The following ANO1 variants were observed in gnomAD, a reference collection of about 807,000 sequenced individuals.
ANO1 encodes anoctamin-1.
Under a neutral mutation model 124.0 loss-of-function variants are expected in ANO1, and 59 were observed. That is an observed-to-expected ratio of 0.48 (90% CI 0.39 to 0.59). ANO1 has a LOEUF of 0.59. Ranked by LOEUF, ANO1 falls within the 20% of genes least tolerant of loss-of-function variation. The pLI is 0.00. For synonymous variants in ANO1, 529 were observed against 532.0 expected (o/e 0.99, Z 0.08); for missense variants, 1,059 against 1,328.0 (o/e 0.80, Z 3.15).
chr11:70,046,581 G>A (rs1401973527), intron 1 of ANO1, among the ~76,000 whole-genome samples: 3 of 152,112 alleles, frequency 2.0e-5, no homozygotes, highest in Non-Finnish European at 4.4e-5. Flanking sequence ...TGAGAGAAGT[G>A]GCCAATTCCA....
At chr11:69,977,031 G>C in the ANO1 span, among the ~76,000 whole-genome samples, 2 of 152,208 alleles carry the variant, frequency 1.3e-5, no homozygotes, top group Non-Finnish European at 2.9e-5. Context: ...AGCCCCAGGC[G>C]GTCTGATGCA....
At chr11:70,173,679 A>G (rs1253584788) in intron 22 of ANO1, among the ~76,000 whole-genome samples, 1 of 152,196 alleles carries the variant, frequency 6.6e-6, no homozygotes. Context: ...ACCCAGAGAC[A>G]ATGTCCTCAA....
chr11:70,010,179 G>GTATATGTATATATATA lies in ANO1; in HGVS notation c.58+24018_58+24019insGTATATATATATATAT. Among the ~76,000 whole-genome samples the GTATATGTATATATATA allele has an allele frequency of 3.6e-5, 3 of 83,814 alleles. 1 individual carries two copies. The highest frequency in any genetic ancestry group is 9.5e-4 in the South Asian group (2 of 2,110). The allele number at this position is 83,814 out of a possible 152,430, so 55.0% of individuals were successfully genotyped here. On this transcript the variant is annotated intron_variant, in intron 1 of 27. Transcript: ENST00000531349. ...TGTGTGTGTGTGCGCGTGTGTGTGT[G>GTATATGTATATATATA]TATATATATATATATATATCACATT...
At chr11:70,141,110 C>T (rs2047138271) in intron 11 of ANO1, among the ~76,000 whole-genome samples, 1 of 152,228 alleles carries the variant, frequency 6.6e-6, no homozygotes, top group African/African-American at 2.4e-5. Context: ...CTGGTCCCAC[C>T]TCTCTGTCCA....
intron 1 of ANO1, among the ~76,000 whole-genome samples, chr11:70,084,539 G>A (rs917458786): frequency 6.6e-6 from 1 of 152,114 alleles, no homozygotes; most frequent in Non-Finnish European, 1.5e-5. Context: ...AACCAACCCT[G>A]GGGCTCAGAG....
In ANO1 at chr11:70,131,907, C is replaced by T; in HGVS notation, c.1098-12C>T. ...CAACAAGGTGACTCCAGGGCTGCCC[C>T]CTCTCTTGCAGCATGGAGATGTGTG... is the stretch of plus-strand genomic sequence containing the variant. On this transcript the variant is annotated splice_polypyrimidine_tract_variant and intron_variant, in intron 10 of 25. Transcript: ENST00000355303. 6.2e-7 allele frequency: 1 copy of T among 1,601,122 alleles called. No homozygotes were observed. The highest frequency in any genetic ancestry group is 1.1e-5 in the South Asian group (1 of 90,246).
At chr11:70,170,835 C>T (rs1045205504) in intron 21 of ANO1, 52 bp from the exon 22 acceptor site, 13 of 1,570,758 alleles carry the variant, frequency 8.3e-6, no homozygotes, top group South Asian at 6.9e-5. Flanking sequence ...GGAGTCCCCC[C>T]TTATGGGCTG....
rs1467286666 is a variant in ANO1 at position 70,155,891 on chromosome 11, T to A, written c.1426-20T>A. 6.5e-7 allele frequency: 1 copy of A among 1,539,836 alleles called. No individual in the cohort carries two copies. The highest frequency in any genetic ancestry group is 1.2e-5 in the South Asian group (1 of 82,502). On this transcript the variant is annotated intron_variant, in intron 14 of 25. Transcript: ENST00000355303. ...TCCCACTTCACCGCACGGTGCTCTCTTTCCCCCACCCCCCCTCAGAAGCGC... is the reference window on the plus strand; with the variant it reads ...TCCCACTTCACCGCACGGTGCTCTCATTCCCCCACCCCCCCTCAGAAGCGC...
chr11:70,075,031 G>T (rs1464107046), upstream of ANO1: 1 of 152,242 alleles, frequency 6.6e-6, no homozygotes, highest in Non-Finnish European at 1.5e-5. Flanking sequence ...GCACACCAAG[G>T]CCATGCGGTT....
chr11:70,156,927 G>C lies in ANO1; in HGVS notation c.1504-20G>C, dbSNP rs890114178. The C allele has an allele frequency of 6.2e-7, 1 of 1,611,220 alleles. No individual in the cohort carries two copies. Among genetic ancestry groups the C allele is most frequent in the South Asian group, 1.1e-5 (1 of 90,608 alleles). On this transcript the variant is annotated intron_variant, in intron 15 of 25. Transcript: ENST00000355303. The stretch of plus-strand genomic sequence containing the variant: ...ATCGTGATGGTTCCAGACAGTGACC[G>C]GCATTGTTTTGTGTTGTAGACTGAC...
At chr11:70,133,275 A>G (rs1225168965) in intron 11 of ANO1, among the ~76,000 whole-genome samples, 1 of 152,158 alleles carries the variant, frequency 6.6e-6, no homozygotes, top group Non-Finnish European at 1.5e-5. Context: ...GATCCTGAAG[A>G]TCAGACCTAG....
chr11:70,047,816 A>G (rs782626744), intron 1 of ANO1, among the ~76,000 whole-genome samples: 76 of 152,266 alleles, frequency 5.0e-4, no homozygotes, highest in Non-Finnish European at 8.1e-4. Flanking sequence ...GACAGGGCAA[A>G]TGACAAAAAG....
intron 9 of ANO1, among the ~76,000 whole-genome samples, chr11:70,125,413 G>A (rs1364929259): frequency 1.3e-5 from 2 of 151,498 alleles, no homozygotes; most frequent in East Asian, 3.9e-4. Context: ...CTACTCAGGA[G>A]GCTGAGGCAG....
At position 70,187,965 on chromosome 11, in the gene ANO1, C is replaced by T; in HGVS notation, c.2922C>T (p.Ser974=). ...AAGCCTGCCCAGACAGCCTCGGCAG[C>T]CCAGCCCCCAGCCATGCCTACCACG... ...NTKACPDSLG[S]PAPSHAYHGG... Residue 974 remains serine, a synonymous_variant, in exon 26 of 26, where the codon AGC becomes AGT. Transcript: ENST00000355303. The T allele has an allele frequency of 6.4e-7, 1 of 1,571,470 alleles. No individual in the cohort carries two copies.
rs772051775 is a variant in ANO1 at position 70,187,702 on chromosome 11, A to G, written c.2695-36A>G. The G allele has an allele frequency of 3.8e-6, 6 of 1,583,892 alleles. No homozygotes were observed. The South Asian group carries it at 5.8e-5, about 15-fold the overall frequency. The stretch of plus-strand genomic sequence containing the variant: ...GGTCAGGAGCACTTCCCCAGGCGCC[A>G]TCCTCCCTTCTGCCACGCGTTGCCT... On this transcript the variant is annotated intron_variant, in intron 25 of 25. Coordinates refer to ENST00000355303, the MANE Select transcript of ANO1 (RefSeq NM_018043.7).
intron 10 of ANO1, among the ~76,000 whole-genome samples, chr11:70,131,384 G>A (rs1706410493): frequency 6.6e-6 from 1 of 152,196 alleles, no homozygotes; most frequent in Non-Finnish European, 1.5e-5. Context: ...CTGGAGTGCA[G>A]TGACGTGATC....
chr11:70,157,978 T>TAAAA (rs2047885482), intron 16 of ANO1, among the ~76,000 whole-genome samples: 1 of 56,992 alleles, frequency 1.8e-5, no homozygotes, highest in Non-Finnish European at 3.2e-5. Context: ...AGACCCTGTC[T>TAAAA]CAAAAAAAAA....
chr11:70,068,086 T>C (rs1281032643), intron 1 of ANO1, among the ~76,000 whole-genome samples: 1 of 152,210 alleles, frequency 6.6e-6, no homozygotes, highest in African/African-American at 2.4e-5. Flanking sequence ...GGAGCCCTCG[T>C]ATTGGAGAAG....
chr11:70,104,396 T>C (rs2045406484), intron 4 of ANO1, among the ~76,000 whole-genome samples: 2 of 152,042 alleles, frequency 1.3e-5, no homozygotes, highest in Admixed American at 6.5e-5. Flanking sequence ...TTGGCCTGAG[T>C]GAGGACCCCA....
Sources: allele counts gnomAD v4.1 joint callset (sites outside exome capture counted in the v4.1 genomes callset), GRCh38; gene constraint gnomAD v4.1.1; transcripts MANE v1.5; gene names NCBI Gene and HGNC (gene_info 2026-07-23, HGNC 2026-07-21).